VOPP1: variants seen among roughly 807,000 people sequenced by gnomAD.
The protein encoded by VOPP1 is VOPP1 WW domain binding protein.
VOPP1 carries 8 observed loss-of-function variants against 23.5 expected under a neutral mutation model. The ratio of observed to expected loss-of-function variants is 0.34; its 90% CI spans 0.20 to 0.61. The LOEUF (loss-of-function observed/expected upper bound fraction) is 0.61, where lower values mean the gene tolerates loss of function less well. VOPP1 is among the 20% of genes least tolerant of loss of function. The pLI is 0.78. For synonymous variants in VOPP1, 83 were observed against 97.3 expected (o/e 0.85, Z 0.86); for missense variants, 174 against 238.1 (o/e 0.73, Z 1.77).
At chr7:55,474,311 AG>A (rs1240309945) in intron 4 of VOPP1, among the ~76,000 whole-genome samples, 1 of 152,256 alleles carries the variant, frequency 6.6e-6, no homozygotes, top group Non-Finnish European at 1.5e-5. Context: ...GAGTTTCGCA[AG>A]GGCAGAGATT....
chr7:55,482,646 G>A (rs970697619), intron 4 of VOPP1, among the ~76,000 whole-genome samples: 31 of 151,906 alleles, frequency 2.0e-4, no homozygotes, highest in Non-Finnish European at 4.0e-4. Context: ...GCCAAGAGGA[G>A]GAAGGGAGTT....
intron 1 of VOPP1, chr7:55,538,477 C>T: frequency 3.0e-6 from 2 of 671,560 alleles, no homozygotes; most frequent in Non-Finnish European, 4.8e-6. Context: ...ACAAGCCCTT[C>T]CTGCCAGGCT....
intron 4 of VOPP1, among the ~76,000 whole-genome samples, chr7:55,479,720 G>A (rs530813481): frequency 6.6e-6 from 1 of 152,178 alleles, no homozygotes; most frequent in Non-Finnish European, 1.5e-5. Flanking sequence ...TGTTAGCAAA[G>A]AATCTAAAGT....
intron 1 of VOPP1, among the ~76,000 whole-genome samples, chr7:55,531,768 C>A (rs1377696232): frequency 6.6e-6 from 1 of 152,198 alleles, no homozygotes; most frequent in Non-Finnish European, 1.5e-5. Flanking sequence ...CTTTGATGAT[C>A]TCATACATGT....
intron 2 of VOPP1, among the ~76,000 whole-genome samples, chr7:55,501,869 G>C (rs1426053899): frequency 6.6e-6 from 1 of 152,168 alleles, no homozygotes; most frequent in Non-Finnish European, 1.5e-5. Context: ...CCACCAAGAT[G>C]CTCCTGTGTG....
intron 1 of VOPP1, chr7:55,571,974 C>T (rs573462588): frequency 0.011 from 3,880 of 350,810 alleles, 32 homozygotes; most frequent in Middle Eastern, 0.02. Context: ...GGACGGTGCA[C>T]AAAGGTCACC....
intron 1 of VOPP1, among the ~76,000 whole-genome samples, chr7:55,560,627 T>A (rs565285399): frequency 6.6e-6 from 1 of 152,160 alleles, no homozygotes; most frequent in Admixed American, 6.5e-5. Flanking sequence ...TTAGGACTTC[T>A]GACCTCCAGA....
chr7:55,541,470 T>C (rs1333623505), intron 1 of VOPP1, among the ~76,000 whole-genome samples: 7 of 152,224 alleles, frequency 4.6e-5, no homozygotes, highest in Non-Finnish European at 1.0e-4. Context: ...ATAACAAGTA[T>C]TGGCGAAAAT....
intron 2 of VOPP1, among the ~76,000 whole-genome samples, chr7:55,515,576 A>T (rs1795349240): frequency 6.6e-6 from 1 of 152,252 alleles, no homozygotes; most frequent in South Asian, 2.1e-4. Flanking sequence ...AGTAGTATTT[A>T]TACTGCACAG....
rs897563547 is a variant in VOPP1, at chr7:55,457,660, G to A, written n.418-21486C>T. 2.0e-5 allele frequency among the ~76,000 whole-genome samples: 3 copies of A among 151,878 alleles called. 1 individual carries two copies. The highest frequency in any genetic ancestry group is 2.0e-4 in the Admixed American group (3 of 15,234). On this transcript the variant is annotated intron_variant and non_coding_transcript_variant, in intron 4 of 4. Coordinates refer to the VOPP1 transcript ENST00000462326. ...TTTTAATAATAGTCATTCTAAGTGG[G>A]GTAAGGTGATATCTCATTGTGGTTT...
chr7:55,524,278 A>G (rs117014281), intron 1 of VOPP1, among the ~76,000 whole-genome samples: 1,671 of 152,344 alleles, frequency 0.011, 11 homozygotes, highest in Middle Eastern at 0.02. Flanking sequence ...TATTTTGAAA[A>G]ATTTAACCCG....
chr7:55,538,702 C>CA, intron 1 of VOPP1: 1 of 1,526,230 alleles, frequency 6.6e-7, no homozygotes. Flanking sequence ...AGCTGTTCAT[C>CA]AAGAGAGGGC....
chr7:55,524,772 G>A (rs1421206575), intron 1 of VOPP1, among the ~76,000 whole-genome samples: 1 of 152,112 alleles, frequency 6.6e-6, no homozygotes, highest in Non-Finnish European at 1.5e-5. Flanking sequence ...AGGAGGTGGA[G>A]AGGCACACGC....
chr7:55,539,678 C>G (rs755066981), intron 1 of VOPP1: 1 of 152,262 alleles, frequency 6.6e-6, no homozygotes, highest in South Asian at 2.1e-4. Context: ...GCCCCTGACA[C>G]GGATGGAGTT....
chr7:55,540,217 G>A (rs993360239), intron 1 of VOPP1, among the ~76,000 whole-genome samples: 2 of 151,934 alleles, frequency 1.3e-5, no homozygotes, highest in Admixed American at 6.6e-5. Context: ...GGCCAACACA[G>A]TGAAACCCTG....
intron 4 of VOPP1, among the ~76,000 whole-genome samples, chr7:55,483,403 A>G (rs1792886779): frequency 1.3e-5 from 2 of 152,158 alleles, no homozygotes; most frequent in African/African-American, 4.8e-5. Flanking sequence ...CCCTCATTAC[A>G]GAGGGGGAAT....
At chr7:55,495,376 G>A (rs1322721067) in intron 3 of VOPP1, among the ~76,000 whole-genome samples, 8 of 152,138 alleles carry the variant, frequency 5.3e-5, no homozygotes, top group African/African-American at 1.2e-4. Context: ...ACCTTCAAAC[G>A]TTGTGGGGCC....
At chr7:55,501,548 T>C (rs1040690776) in intron 2 of VOPP1, among the ~76,000 whole-genome samples, 1 of 152,224 alleles carries the variant, frequency 6.6e-6, no homozygotes, top group Non-Finnish European at 1.5e-5. Context: ...CTAAGGTCTT[T>C]CGGTCCTTGT....
At chr7:55,490,540 C>T (rs1031873801) in intron 4 of VOPP1, among the ~76,000 whole-genome samples, 27 of 152,316 alleles carry the variant, frequency 1.8e-4, no homozygotes, top group Admixed American at 5.9e-4. Context: ...GCCAGGACCA[C>T]GGACCAGGGA....
Sources: allele counts gnomAD v4.1 joint callset (sites outside exome capture counted in the v4.1 genomes callset), GRCh38; gene constraint gnomAD v4.1.1; transcripts MANE v1.5; gene names NCBI Gene and HGNC (gene_info 2026-07-23, HGNC 2026-07-21).